The following VTI1A variants were observed in gnomAD, a reference collection of about 807,000 sequenced individuals.
VTI1A encodes the protein vesicle transport through interaction with t-SNAREs homolog 1A.
A neutral mutation model predicts 34.9 loss-of-function variants in VTI1A; 22 were observed. The ratio of observed to expected loss-of-function variants is 0.63; its 90% CI spans 0.45 to 0.90. The LOEUF (loss-of-function observed/expected upper bound fraction) is 0.90. Among genes scored for constraint, VTI1A ranks in the 40% least tolerant of loss-of-function variants. VTI1A has a pLI of 0.00. For synonymous variants in VTI1A, 87 were observed against 97.3 expected, an observed-to-expected ratio of 0.89 and a Z score of 0.62; for missense variants, 268 against 275.6, an observed-to-expected ratio of 0.97 and a Z score of 0.20.
intron 4 of VTI1A, chr10:112,527,387 T>C (rs1016371259): frequency 1.4e-5 from 5 of 357,710 alleles, no homozygotes; most frequent in Non-Finnish European, 2.5e-5. Context: ...TTTAAAAAAA[T>C]CTTTTCTTCT....
chr10:112,804,923 C>G (rs1209721261), intron 7 of VTI1A, among the ~76,000 whole-genome samples: 3 of 128,838 alleles, frequency 2.3e-5, no homozygotes, highest in Admixed American at 9.7e-5. Context: ...TGCAGTCGTG[C>G]GATCACAGGT....
chr10:112,468,493 C>T (rs1480518808), intron 3 of VTI1A, among the ~76,000 whole-genome samples: 1 of 152,144 alleles, frequency 6.6e-6, no homozygotes, highest in Non-Finnish European at 1.5e-5. Flanking sequence ...GCAGTTGAAG[C>T]CGTTCTTCTG....
At chr10:112,808,806 C>T (rs570139132) in intron 7 of VTI1A, among the ~76,000 whole-genome samples, 1 of 152,094 alleles carries the variant, frequency 6.6e-6, no homozygotes, top group Admixed American at 6.5e-5. Context: ...CTTTATCTCT[C>T]GGCTCTGCAT....
At chr10:112,757,305 G>A (rs953743481) in intron 7 of VTI1A, among the ~76,000 whole-genome samples, 1 of 148,746 alleles carries the variant, frequency 6.7e-6, no homozygotes, top group African/African-American at 2.5e-5. Context: ...TATTCCTGGA[G>A]GAAAAGCTCT....
At position 112,637,830 on chromosome 10, in the gene VTI1A, A is replaced by G. The variant is rs190178787; in HGVS notation, c.428-30388A>G. Among the ~76,000 whole-genome samples, 40 of 152,394 alleles carry G rather than the reference A, an allele frequency of 2.6e-4. No individual in the cohort carries two copies. The South Asian group carries it at 4.3e-3, about 17-fold the overall frequency. ...TGATTGACCTAAAAGTTCTAAATAA[A>G]TAAACTTAAATCAGAATGTGTGGAT... On this transcript the variant is annotated intron_variant, in intron 5 of 7. Coordinates refer to ENST00000393077, the MANE Select transcript of VTI1A (RefSeq NM_145206.4).
the VTI1A span, among the ~76,000 whole-genome samples, chr10:112,838,277 C>G: frequency 6.6e-6 from 1 of 152,210 alleles, no homozygotes; most frequent in Non-Finnish European, 1.5e-5. Context: ...GACCTCGGGT[C>G]CTCCTGGGGT....
chr10:112,616,329 A>C (rs925183366), intron 5 of VTI1A, among the ~76,000 whole-genome samples: 1 of 152,200 alleles, frequency 6.6e-6, no homozygotes, highest in African/African-American at 2.4e-5. Context: ...GTACATGTGC[A>C]CACACTCACA....
chr10:112,571,604 A>G (rs1261498485), intron 5 of VTI1A, among the ~76,000 whole-genome samples: 2 of 152,172 alleles, frequency 1.3e-5, no homozygotes, highest in East Asian at 1.9e-4. Flanking sequence ...TAAGAGTTGA[A>G]CTACCATTCC....
At position 112,796,436 on chromosome 10, in the gene VTI1A, G is replaced by A. The variant is rs371836935; in HGVS notation, c.561-18854G>A. Among the ~76,000 whole-genome samples, 18 of 151,314 alleles carry A rather than the reference G, an allele frequency of 1.2e-4. No homozygotes were observed. The East Asian group carries it at 1.7e-3, about 15-fold the overall frequency. ...AAAAAAAAAAAGAAGGCTGTCATGT[G>A]TCTGCAAGGGGTGTGAGAAGGTCTC... On this transcript the variant is annotated intron_variant, in intron 7 of 7. Transcript: ENST00000393077.
chr10:112,757,351 A>ATTTTT (rs1175362768), intron 7 of VTI1A, among the ~76,000 whole-genome samples: 1,501 of 40,716 alleles, frequency 0.037, 342 homozygotes, highest in East Asian at 0.065. Context: ...TGTTGCTGTG[A>ATTTTT]TTTTTTTTTT....
chr10:112,625,812 C>T (rs1027817133), intron 5 of VTI1A, among the ~76,000 whole-genome samples: 1 of 151,958 alleles, frequency 6.6e-6, no homozygotes, highest in Non-Finnish European at 1.5e-5. Flanking sequence ...ATATACTGCT[C>T]AGGTGATGGG....
intron 5 of VTI1A, among the ~76,000 whole-genome samples, chr10:112,551,533 A>G (rs201281675): frequency 1.6e-4 from 24 of 152,314 alleles, no homozygotes; most frequent in Middle Eastern, 3.4e-3. Flanking sequence ...AGCCACCTGA[A>G]AGGGAAAATA....
intron 5 of VTI1A, among the ~76,000 whole-genome samples, chr10:112,592,056 G>C (rs1396706600): frequency 6.6e-6 from 1 of 152,130 alleles, no homozygotes; most frequent in Non-Finnish European, 1.5e-5. Flanking sequence ...CAGTGTAAGG[G>C]GCCAAGAGAG....
intron 7 of VTI1A, among the ~76,000 whole-genome samples, chr10:112,784,157 T>G (rs1286545818): frequency 6.6e-6 from 1 of 152,238 alleles, no homozygotes. Context: ...ATGTCTGCCT[T>G]GTACTTTATA....
chr10:112,581,661 C>T (rs1032669002), intron 5 of VTI1A, among the ~76,000 whole-genome samples: 4 of 152,136 alleles, frequency 2.6e-5, no homozygotes, highest in Admixed American at 2.6e-4. Context: ...ACTGGAATTT[C>T]CATTTATGTT....
intron 3 of VTI1A, among the ~76,000 whole-genome samples, chr10:112,519,215 G>C (rs1190144462): frequency 2.0e-5 from 3 of 152,068 alleles, no homozygotes; most frequent in Non-Finnish European, 4.4e-5. Flanking sequence ...AAGTAACCAG[G>C]AGTTACCAGA....
chr10:112,811,788 C>T (rs368655517), intron 7 of VTI1A, among the ~76,000 whole-genome samples: 1 of 148,920 alleles, frequency 6.7e-6, no homozygotes, highest in Non-Finnish European at 1.5e-5. Flanking sequence ...CAGTGGAATT[C>T]CTGGGCTCCT....
intron 5 of VTI1A, among the ~76,000 whole-genome samples, chr10:112,600,279 A>G (rs917168892): frequency 2.0e-5 from 3 of 152,150 alleles, no homozygotes; most frequent in Non-Finnish European, 2.9e-5. Context: ...TTAGCAGCCA[A>G]TGTGATGCTT....
intron 5 of VTI1A, among the ~76,000 whole-genome samples, chr10:112,656,914 C>T (rs1847250474): frequency 3.3e-5 from 5 of 152,100 alleles, no homozygotes; most frequent in Admixed American, 1.3e-4. Flanking sequence ...CCCCTCAATG[C>T]CATTCTCATG....
Sources: allele counts gnomAD v4.1 joint callset (sites outside exome capture counted in the v4.1 genomes callset), GRCh38; gene constraint gnomAD v4.1.1; transcripts MANE v1.5; gene names NCBI Gene and HGNC (gene_info 2026-07-23, HGNC 2026-07-21).